The following THRB variants were observed in gnomAD, a reference collection of about 807,000 sequenced individuals.
The protein encoded by THRB is nuclear receptor subfamily 1 group A member 2.
In THRB, 12 loss-of-function variants were observed where a neutral mutation model predicts 47.8. That is an observed-to-expected ratio of 0.25 (90% CI 0.16 to 0.41). The LOEUF is 0.41. THRB is among the 10% of genes least tolerant of loss of function. The pLI is 1.00. For missense variants in THRB, 348 were observed against 589.2 expected (o/e 0.59, Z 4.24); for synonymous variants, 218 against 212.2 (o/e 1.03, Z -0.24).
chr3:24,130,195 C>G (rs2033626311), intron 9 of THRB, among the ~76,000 whole-genome samples: 1 of 152,190 alleles, frequency 6.6e-6, no homozygotes, highest in African/African-American at 2.4e-5. Flanking sequence ...TGGCAGACCA[C>G]ACGATATCAG....
At chr3:24,417,264 GAGAGAA>G (rs1483920573) in intron 1 of THRB, among the ~76,000 whole-genome samples, 11 of 151,896 alleles carry the variant, frequency 7.2e-5, no homozygotes, top group Non-Finnish European at 1.5e-4. Flanking sequence ...AAGTAGGCTT[GAGAGAA>G]CACGCTAATA....
chr3:24,268,272 T>C (rs558050913), intron 3 of THRB, among the ~76,000 whole-genome samples: 10 of 152,292 alleles, frequency 6.6e-5, no homozygotes, highest in African/African-American at 2.4e-4. Flanking sequence ...CCTATTTACC[T>C]ATAGAATATG....
At chr3:24,381,294 A>G (rs1424543083) in intron 1 of THRB, among the ~76,000 whole-genome samples, 1 of 152,152 alleles carries the variant, frequency 6.6e-6, no homozygotes, top group Non-Finnish European at 1.5e-5. Context: ...CCAAAGACCA[A>G]CACTAACTTC....
intron 1 of THRB, among the ~76,000 whole-genome samples, chr3:24,457,307 TAAAGGC>T (rs1261285340): frequency 6.6e-6 from 1 of 152,178 alleles, no homozygotes; most frequent in East Asian, 1.9e-4. Flanking sequence ...TCTTGATCCC[TAAAGGC>T]ATTTTGTCCA....
chr3:24,323,264 C>T (rs2058602651), intron 2 of THRB, among the ~76,000 whole-genome samples: 1 of 149,630 alleles, frequency 6.7e-6, no homozygotes, highest in Admixed American at 6.7e-5. Context: ...TCTTTACTTT[C>T]TGGGAGCAGC....
chr3:24,133,473 GA>G lies in THRB; in HGVS notation c.739-12del. 1 of 1,613,512 alleles carries G rather than the reference GA, an allele frequency of 6.2e-7. No individual in the cohort carries two copies. The highest frequency in any genetic ancestry group is 2.2e-5 in the East Asian group (1 of 44,848). The stretch of plus-strand genomic sequence containing the variant: ...TCCAATGTCTTCTGGCTAAGGAGGA[GA>G]AAAAAGAAAGATTTAAATGAAGAAG... On this transcript the variant is annotated splice_polypyrimidine_tract_variant and intron_variant, in intron 8 of 10. Coordinates refer to ENST00000646209, the MANE Select transcript of THRB (RefSeq NM_001354712.2).
chr3:24,306,911 G>A (rs556646979), intron 2 of THRB, among the ~76,000 whole-genome samples: 2 of 152,086 alleles, frequency 1.3e-5, no homozygotes, highest in Admixed American at 6.5e-5. Flanking sequence ...TATTTATTAG[G>A]AGCCAATTAA....
chr3:24,294,482 G>A (rs993967461), intron 3 of THRB, among the ~76,000 whole-genome samples: 1 of 152,206 alleles, frequency 6.6e-6, no homozygotes, highest in East Asian at 1.9e-4. Context: ...TTAGATGTAA[G>A]AGGCAGTTTG....
At chr3:24,251,538 AT>A in intron 3 of THRB, among the ~76,000 whole-genome samples, 1 of 152,262 alleles carries the variant, frequency 6.6e-6, no homozygotes, top group African/African-American at 2.4e-5. Flanking sequence ...GATTAGAATA[AT>A]TATAAGAGAT....
chr3:24,490,438 C>T (rs1697966074), intron 1 of THRB, among the ~76,000 whole-genome samples: 1 of 152,162 alleles, frequency 6.6e-6, no homozygotes, highest in African/African-American at 2.4e-5. Context: ...AGAAGCACTG[C>T]CTTTTCTACC....
chr3:24,137,607 G>A (rs1324383145), intron 8 of THRB, among the ~76,000 whole-genome samples: 3 of 152,162 alleles, frequency 2.0e-5, no homozygotes, highest in Admixed American at 6.5e-5. Flanking sequence ...CCAGAAAGGA[G>A]GCCCGTGTGG....
intron 1 of THRB, among the ~76,000 whole-genome samples, chr3:24,381,025 G>A (rs1450037680): frequency 6.7e-6 from 1 of 150,214 alleles, no homozygotes; most frequent in Non-Finnish European, 1.5e-5. Flanking sequence ...TGAGGCAGGA[G>A]AATTGCTTGA....
intron 1 of THRB, among the ~76,000 whole-genome samples, chr3:24,367,670 C>G (rs1386233989): frequency 6.6e-6 from 1 of 152,184 alleles, no homozygotes; most frequent in Non-Finnish European, 1.5e-5. Flanking sequence ...GCTACATGCA[C>G]TGTTGTAACA....
intron 4 of THRB, among the ~76,000 whole-genome samples, chr3:24,224,625 A>T (rs2047476221): frequency 6.6e-6 from 1 of 152,194 alleles, no homozygotes; most frequent in East Asian, 1.9e-4. Context: ...TAAAATGCCG[A>T]GTTTTCCCAA....
intron 5 of THRB, among the ~76,000 whole-genome samples, chr3:24,164,068 C>G (rs1295567655): frequency 6.6e-6 from 1 of 152,114 alleles, no homozygotes; most frequent in Non-Finnish European, 1.5e-5. Flanking sequence ...ATTTGGTTCT[C>G]TATGCAATAT....
chr3:24,156,463 G>C (rs1226504330), intron 5 of THRB, among the ~76,000 whole-genome samples: 1 of 152,232 alleles, frequency 6.6e-6, no homozygotes, highest in Non-Finnish European at 1.5e-5. Context: ...TAGGAGAGCA[G>C]AAGTAGCAGC....
intron 1 of THRB, among the ~76,000 whole-genome samples, chr3:24,396,815 TCA>T (rs1406569887): frequency 6.6e-6 from 1 of 152,130 alleles, no homozygotes; most frequent in Admixed American, 6.6e-5. Flanking sequence ...TCCCAAAGTT[TCA>T]CAACTATAAA....
chr3:24,291,754 T>G (rs1448049560), intron 3 of THRB, among the ~76,000 whole-genome samples: 1 of 152,170 alleles, frequency 6.6e-6, no homozygotes, highest in Non-Finnish European at 1.5e-5. Context: ...TCTTGCAAAA[T>G]ATAACTGGGG....
intron 4 of THRB, among the ~76,000 whole-genome samples, chr3:24,212,952 G>A (rs146358467): frequency 3.5e-4 from 53 of 152,298 alleles, no homozygotes; most frequent in African/African-American, 7.7e-4. Flanking sequence ...ACTGGCAGAC[G>A]TTCTAAACCA....
Sources: gnomAD v4.1 joint callset for allele counts (sites outside exome capture counted in the v4.1 genomes callset) on GRCh38, gnomAD v4.1.1 for gene constraint, MANE v1.5 for transcripts, NCBI Gene and HGNC (gene_info 2026-07-23, HGNC 2026-07-21) for gene names.